The following SH3BGRL variants were observed in gnomAD, a reference collection of about 807,000 sequenced individuals.
The protein encoded by SH3BGRL is adapter SH3BGRL.
A neutral mutation model predicts 9.8 loss-of-function variants in SH3BGRL; 7 were observed. The ratio of observed to expected loss-of-function variants is 0.72; its 90% CI spans 0.41 to 1.35. The LOEUF (loss-of-function observed/expected upper bound fraction) is 1.35, where lower values mean the gene tolerates loss of function less well. Ranked by LOEUF, SH3BGRL falls within the 40% of genes most tolerant of loss-of-function variation. SH3BGRL has a pLI of 0.01. For missense variants in SH3BGRL, 73 were observed against 84.4 expected, an observed-to-expected ratio of 0.86 and a Z score of 0.53; for synonymous variants, 36 against 29.1, an observed-to-expected ratio of 1.24 and a Z score of -0.76.
intron 1 of SH3BGRL, among the ~76,000 whole-genome samples, chrX:81,207,979 G>T (rs964604470): frequency 9.0e-6 from 1 of 111,699 alleles, no homozygotes; most frequent in African/African-American, 3.3e-5. Flanking sequence ...TATCTGGGCC[G>T]GGCACGGTGG....
At chrX:81,248,008 T>A (rs2075695229) in intron 1 of SH3BGRL, among the ~76,000 whole-genome samples, 1 of 109,580 alleles carries the variant, frequency 9.1e-6, no homozygotes, top group Admixed American at 9.8e-5. Flanking sequence ...GTTTAGGGTT[T>A]CAAATCCTTC....
At chrX:81,257,419 T>A (rs2075728656) in intron 1 of SH3BGRL, among the ~76,000 whole-genome samples, 1 of 111,706 alleles carries the variant, frequency 9.0e-6, no homozygotes, top group Non-Finnish European at 1.9e-5. Context: ...ACTTATTACA[T>A]CACAGTGCCT....
intron 2 of SH3BGRL, among the ~76,000 whole-genome samples, chrX:81,278,117 C>A (rs953679315): frequency 2.7e-5 from 3 of 111,754 alleles, no homozygotes; most frequent in Non-Finnish European, 5.6e-5. Context: ...CATGTGCCCC[C>A]ACCCCTGGCT....
chrX:81,205,136 C>T (rs891578330), intron 1 of SH3BGRL, among the ~76,000 whole-genome samples: 1 of 111,201 alleles, frequency 9.0e-6, no homozygotes, highest in Non-Finnish European at 1.9e-5. Context: ...TAACTATAGC[C>T]ACCCTATTGT....
intron 1 of SH3BGRL, among the ~76,000 whole-genome samples, chrX:81,236,411 A>G (rs1450305686): frequency 8.9e-6 from 1 of 111,926 alleles, no homozygotes; most frequent in Non-Finnish European, 1.9e-5. Context: ...GAGCAAATAC[A>G]TGACTTAGGA....
intron 1 of SH3BGRL, among the ~76,000 whole-genome samples, chrX:81,217,965 A>T (rs1324310355): frequency 1.8e-5 from 2 of 110,171 alleles, no homozygotes; most frequent in African/African-American, 6.6e-5. Context: ...GGATTGTGAT[A>T]TTTTCATGTT....
intron 1 of SH3BGRL, among the ~76,000 whole-genome samples, chrX:81,253,933 C>T (rs1302300806): frequency 9.0e-6 from 1 of 111,448 alleles, no homozygotes; most frequent in Non-Finnish European, 1.9e-5. Flanking sequence ...TCTGTATCAT[C>T]ATGTAGAAAT....
At chrX:81,274,447 C>G (rs2075791331) in intron 1 of SH3BGRL, among the ~76,000 whole-genome samples, 1 of 110,569 alleles carries the variant, frequency 9.0e-6, no homozygotes, top group East Asian at 2.8e-4. Flanking sequence ...CCCGTCTCTA[C>G]TAAAAATACA....
intron 1 of SH3BGRL, among the ~76,000 whole-genome samples, chrX:81,234,767 T>C (rs1047973772): frequency 1.8e-5 from 2 of 111,982 alleles, no homozygotes; most frequent in Non-Finnish European, 3.8e-5. Flanking sequence ...ACTAGGCATG[T>C]TTTAATATCT....
intron 1 of SH3BGRL, among the ~76,000 whole-genome samples, chrX:81,224,057 A>G (rs2075609149): frequency 8.9e-6 from 1 of 111,834 alleles, no homozygotes; most frequent in East Asian, 2.8e-4. Context: ...TGATAGTGTT[A>G]TAAATGAAGA....
intron 1 of SH3BGRL, among the ~76,000 whole-genome samples, chrX:81,217,383 T>C (rs2075584715): frequency 1.8e-5 from 2 of 110,823 alleles, no homozygotes; most frequent in Admixed American, 9.7e-5. Flanking sequence ...TCAGACTTTT[T>C]GATGTAGGCC....
intron 1 of SH3BGRL, among the ~76,000 whole-genome samples, chrX:81,217,928 C>G (rs974455353): frequency 2.7e-5 from 3 of 110,370 alleles, no homozygotes; most frequent in Non-Finnish European, 5.7e-5. Context: ...AATTTGGGAG[C>G]TCCTGTGTTA....
intron 1 of SH3BGRL, among the ~76,000 whole-genome samples, chrX:81,214,074 G>A (rs1325704585): frequency 8.9e-6 from 1 of 112,475 alleles, no homozygotes; most frequent in Non-Finnish European, 1.9e-5. Context: ...AACAGGAACA[G>A]CAGGAAACAC....
At chrX:81,241,181 G>T (rs1166575640) in intron 1 of SH3BGRL, among the ~76,000 whole-genome samples, 1 of 112,316 alleles carries the variant, frequency 8.9e-6, no homozygotes, top group Non-Finnish European at 1.9e-5. Context: ...TGACACAGCA[G>T]ACCCTGCTGC....
chrX:81,252,189 A>T (rs754438404), intron 1 of SH3BGRL, among the ~76,000 whole-genome samples: 90 of 112,199 alleles, frequency 8.0e-4, no homozygotes, highest in Non-Finnish European at 1.5e-3. Flanking sequence ...CATTCCTGAG[A>T]TATACCTGAA....
intron 1 of SH3BGRL, among the ~76,000 whole-genome samples, chrX:81,232,954 T>C (rs1569360486): frequency 4.5e-5 from 5 of 111,804 alleles, no homozygotes; most frequent in Admixed American, 3.8e-4. Flanking sequence ...TTATCTTGAC[T>C]ACTGTGGTTT....
chrX:81,211,555 C>T (rs1289702563), intron 1 of SH3BGRL, among the ~76,000 whole-genome samples: 1 of 110,842 alleles, frequency 9.0e-6, no homozygotes, highest in African/African-American at 3.3e-5. Context: ...CCACTGCACT[C>T]CAGCCTGGGC....
intron 1 of SH3BGRL, among the ~76,000 whole-genome samples, chrX:81,224,755 A>G (rs2075611380): frequency 9.0e-6 from 1 of 111,728 alleles, no homozygotes; most frequent in Admixed American, 9.5e-5. Flanking sequence ...TTCTTAAACT[A>G]CATTTTTGGA....
intron 1 of SH3BGRL, among the ~76,000 whole-genome samples, chrX:81,214,774 A>G (rs2075576360): frequency 8.9e-6 from 1 of 112,416 alleles, no homozygotes; most frequent in Non-Finnish European, 1.9e-5. Context: ...AGTTCTCATA[A>G]AAAGTATGAA....
Sources: gnomAD v4.1 joint callset for allele counts (sites outside exome capture counted in the v4.1 genomes callset) on GRCh38, gnomAD v4.1.1 for gene constraint, MANE v1.5 for transcripts, NCBI Gene and HGNC (gene_info 2026-07-23, HGNC 2026-07-21) for gene names.